Variants in NHSL1 observed in about 807,000 individuals in gnomAD.
NHSL1 encodes the protein NHS-like protein 1.
In NHSL1, 48 loss-of-function variants were observed where a neutral mutation model predicts 95.0. The ratio of observed to expected loss-of-function variants is 0.51; its 90% CI spans 0.40 to 0.64. The LOEUF (loss-of-function observed/expected upper bound fraction) is 0.64, where lower values mean the gene tolerates loss of function less well. Among genes scored for constraint, NHSL1 ranks in the 30% least tolerant of loss-of-function variants. The probability of loss-of-function intolerance (pLI) is 0.00; values close to 1 mark genes in which losing one functional copy is unlikely to be tolerated. For missense variants in NHSL1, 1,971 were observed against 2,077.7 expected, an observed-to-expected ratio of 0.95 and a Z score of 1.00; for synonymous variants, 783 against 833.9, an observed-to-expected ratio of 0.94 and a Z score of 1.05.
chr6:138,486,850 G>A (rs1018116875), intron 2 of NHSL1, among the ~76,000 whole-genome samples: 1 of 152,174 alleles, frequency 6.6e-6, no homozygotes, highest in African/African-American at 2.4e-5. Flanking sequence ...CAATTATATA[G>A]TGTATCATAA....
At chr6:138,510,595 A>G (rs566668541) in intron 1 of NHSL1, among the ~76,000 whole-genome samples, 2 of 152,350 alleles carry the variant, frequency 1.3e-5, no homozygotes, top group East Asian at 1.9e-4. Flanking sequence ...GAAGTGAGGC[A>G]TAAGAGCAAA....
upstream of NHSL1, among the ~76,000 whole-genome samples, chr6:138,503,108 T>C (rs925423152): frequency 3.3e-5 from 5 of 152,208 alleles, no homozygotes; most frequent in Non-Finnish European, 7.3e-5. Flanking sequence ...TTTTAAAAAA[T>C]TCTCAGTGGT....
Position 138,592,639 on chromosome 6 carries a change from C to CAAA in NHSL1, c.97-96271_97-96269dup, listed in dbSNP as rs372800688. On this transcript the variant is annotated intron_variant, in intron 1 of 3. Coordinates refer to the NHSL1 transcript ENST00000491526. Reference sequence around the variant, plus strand: ...AACAACAAAAAACAAAAAACAACAACAAAAAAAACCCCTACATATCCAGAA... The same window carrying CAAA: ...AACAACAAAAAACAAAAAACAACAACAAAAAAAAAAACCCCTACATATCCAGAA... Among the ~76,000 whole-genome samples, 33 of 129,070 alleles carry CAAA rather than the reference C, an allele frequency of 2.6e-4. No homozygotes were observed. The South Asian group carries it at 7.7e-3, about 30-fold the overall frequency. 84.7% of individuals were successfully genotyped at this position (129,070 alleles called of 152,430 possible).
At chr6:138,473,072 A>G (rs1778852670) in intron 3 of NHSL1, among the ~76,000 whole-genome samples, 1 of 152,214 alleles carries the variant, frequency 6.6e-6, no homozygotes, top group African/African-American at 2.4e-5. Context: ...ATAGTTTTAT[A>G]TTTTCTGAAA....
At chr6:138,543,658 T>C (rs1247145195) in intron 1 of NHSL1, among the ~76,000 whole-genome samples, 1 of 152,200 alleles carries the variant, frequency 6.6e-6, no homozygotes, top group African/African-American at 2.4e-5. Context: ...GACCAATGAA[T>C]GAAAGCCACT....
upstream of NHSL1, among the ~76,000 whole-genome samples, chr6:138,499,831 T>C (rs1227483869): frequency 6.6e-6 from 1 of 152,170 alleles, no homozygotes; most frequent in African/African-American, 2.4e-5. Flanking sequence ...TTTGAACTGA[T>C]TTAGGGGGGA....
chr6:138,648,827 T>A (rs1562402018), intron 1 of NHSL1, among the ~76,000 whole-genome samples: 1 of 145,292 alleles, frequency 6.9e-6, no homozygotes, highest in African/African-American at 2.7e-5. Context: ...GAGGCAAGAA[T>A]TTTTTTTTTT....
At chr6:138,572,754 A>G (rs1043908945), upstream of NHSL1, among the ~76,000 whole-genome samples, 1 of 152,226 alleles carries the variant, frequency 6.6e-6, no homozygotes, top group African/African-American at 2.4e-5. Flanking sequence ...GTCTGTGCAG[A>G]ATACAGACTT....
intron 1 of NHSL1, among the ~76,000 whole-genome samples, chr6:138,534,987 G>A (rs1417636947): frequency 1.3e-5 from 2 of 152,142 alleles, no homozygotes; most frequent in Non-Finnish European, 2.9e-5. Flanking sequence ...TCAGGCCTGT[G>A]ATTGATATTT....
intron 1 of NHSL1, among the ~76,000 whole-genome samples, chr6:138,536,549 C>A (rs1279144209): frequency 6.9e-6 from 1 of 144,918 alleles, no homozygotes; most frequent in Non-Finnish European, 1.5e-5. Context: ...CATCTGCATT[C>A]AATCTTTTCA....
chr6:138,688,500 C>A (rs995704814), intron 1 of NHSL1, among the ~76,000 whole-genome samples: 3 of 151,680 alleles, frequency 2.0e-5, no homozygotes, highest in African/African-American at 7.3e-5. Context: ...AAAAATTAGC[C>A]AGGCATGGTG....
intron 1 of NHSL1, among the ~76,000 whole-genome samples, chr6:138,686,346 C>A (rs1028051673): frequency 2.0e-5 from 3 of 152,036 alleles, no homozygotes; most frequent in Non-Finnish European, 4.4e-5. Context: ...CACAGTAAAA[C>A]CCTGTCTCTA....
chr6:138,645,349 T>A (rs1785003828), intron 1 of NHSL1, among the ~76,000 whole-genome samples: 1 of 152,120 alleles, frequency 6.6e-6, no homozygotes, highest in Non-Finnish European at 1.5e-5. Context: ...CCATCTTTGC[T>A]CAAAAGTCAC....
At position 138,431,860 on chromosome 6, in the gene NHSL1, C is replaced by G; in HGVS notation, c.2485G>C (p.Gly829Arg). 3.2e-6 allele frequency: 5 copies of G among 1,551,718 alleles called. No individual in the cohort carries two copies. Among genetic ancestry groups the G allele is most frequent in the Non-Finnish European group, 4.4e-6 (5 of 1,146,978 alleles). The change falls in exon 6 of 8, where the codon GGT (glycine) becomes CGT (arginine). Residue 829 changes from glycine to arginine, a missense_variant. Gly to Arg is a moderately radical substitution (Grantham distance 125, BLOSUM62 -2). Around this residue, in one of 3 missense-constraint regions of NHSL1, gnomAD observed 1,602 missense variants for 1,654.5 expected, o/e 0.97. Transcript: ENST00000343505. This position sits in a 1 kb window ranked among gnomAD's most constrained non-coding sequence, Gnocchi z 4.0. ...GSRATMPQVP[G>R]GSVKPKIMSP... ...ATGATCTTTGGTTTGACTGAACCAC[C>G]GGGCACTTGGGGCATTGTGGCTCTG... is the stretch of plus-strand genomic sequence containing the variant.
intron 3 of NHSL1, among the ~76,000 whole-genome samples, chr6:138,451,899 G>A (rs1777263031): frequency 6.6e-6 from 1 of 152,158 alleles, no homozygotes; most frequent in Non-Finnish European, 1.5e-5. Context: ...TAAAAAAACA[G>A]TGTGTACCAG....
intron 1 of NHSL1, among the ~76,000 whole-genome samples, chr6:138,619,224 G>A (rs1784621233): frequency 6.6e-6 from 1 of 152,134 alleles, no homozygotes; most frequent in South Asian, 2.1e-4. Flanking sequence ...TGTAATCCAA[G>A]CTTCTCAGGA....
intron 1 of NHSL1, among the ~76,000 whole-genome samples, chr6:138,586,539 T>C (rs9389593): frequency 0.18 from 27,522 of 152,144 alleles, 3,163 homozygotes; most frequent in East Asian, 0.38. Flanking sequence ...TGTCAATATA[T>C]GCTCAGCCAC....
chr6:138,553,122 C>A (rs1027319056), intron 1 of NHSL1, among the ~76,000 whole-genome samples: 2 of 152,116 alleles, frequency 1.3e-5, no homozygotes, highest in Admixed American at 1.3e-4. Context: ...AAGGATAAAT[C>A]CTAAATTCCT....
rs149531766 is a variant in NHSL1 at position 138,517,301 on chromosome 6, A to C, written c.17-20930T>G. Among the ~76,000 whole-genome samples the C allele has an allele frequency of 6.2e-3, 944 of 152,314 alleles. 23 individuals are homozygous for C. The highest frequency in any genetic ancestry group is 0.048 in the Admixed American group (734 of 15,300). On this transcript the variant is annotated intron_variant, in intron 1 of 4. Coordinates refer to the NHSL1 transcript ENST00000342260. ...ATTTCAGTTCCTGATTATTGCCTGCATTGTCAGACTGATTTTTTTCTACAA... is the reference window on the plus strand; with the variant it reads ...ATTTCAGTTCCTGATTATTGCCTGCCTTGTCAGACTGATTTTTTTCTACAA...
Sources: allele counts gnomAD v4.1 joint callset (sites outside exome capture counted in the v4.1 genomes callset), GRCh38; gene constraint gnomAD v4.1.1; regional missense constraint gnomAD v4.1.1; non-coding constraint Gnocchi (gnomAD v3.1); transcripts MANE v1.5; gene names NCBI Gene and HGNC (gene_info 2026-07-23, HGNC 2026-07-21).